Variants in COL24A1 observed in about 807,000 individuals in gnomAD.
The protein encoded by COL24A1 is collagen type XXIV alpha 1 chain.
A neutral mutation model predicts 253.9 loss-of-function variants in COL24A1; 224 were observed. That is an observed-to-expected ratio of 0.88 (90% CI 0.79 to 0.99). COL24A1 has a LOEUF of 0.99. COL24A1 is among the 50% of genes least tolerant of loss of function. The pLI, the probability that COL24A1 is intolerant of heterozygous loss-of-function variation, is 0.00. For synonymous variants in COL24A1, 685 were observed against 673.7 expected (o/e 1.02, Z -0.26); for missense variants, 2,131 against 2,068.5 (o/e 1.03, Z -0.59).
chr1:86,153,659 G>C (rs4656122), intron 1 of COL24A1, among the ~76,000 whole-genome samples: 128,509 of 152,206 alleles, frequency 0.84, 54,360 homozygotes, highest in East Asian at 0.94. Context: ...CCATAAATTA[G>C]ATTTACTCTC....
chr1:85,888,152 A>T (rs2102725567), intron 32 of COL24A1, among the ~76,000 whole-genome samples: 1 of 152,058 alleles, frequency 6.6e-6, no homozygotes. Context: ...TCTCCTTTTG[A>T]ATTAGTCTGT....
intron 47 of COL24A1, among the ~76,000 whole-genome samples, chr1:85,798,539 T>C (rs981491404): frequency 3.3e-5 from 5 of 152,172 alleles, no homozygotes; most frequent in Admixed American, 1.3e-4. Context: ...TGTATCTTCT[T>C]AGAAAGAAAA....
In COL24A1 at chr1:85,812,099, G is replaced by A. The variant is rs572754955; in HGVS notation, c.3951+4689C>T. Among the ~76,000 whole-genome samples the A allele has an allele frequency of 1.3e-4, 15 of 117,996 alleles. No homozygotes were observed. The South Asian group carries it at 2.2e-3, about 17-fold the overall frequency. 77.4% of individuals were successfully genotyped at this position (117,996 alleles called of 152,430 possible). A position where few individuals can be genotyped will look rare whatever the true frequency, so the allele number is the denominator to read the frequency against. ...TGAACCTGGAATGTCAAATGGCTAC[G>A]CTCTCGTTCTCTGTTTTGCCCATTA... is the stretch of plus-strand genomic sequence containing the variant. On this transcript the variant is annotated intron_variant, in intron 47 of 59. Coordinates refer to ENST00000370571, the MANE Select transcript of COL24A1 (RefSeq NM_152890.7).
At chr1:85,975,992 C>A (rs926380351) in intron 20 of COL24A1, among the ~76,000 whole-genome samples, 1 of 152,178 alleles carries the variant, frequency 6.6e-6, no homozygotes, top group South Asian at 2.1e-4. Flanking sequence ...GGGAAGCCAT[C>A]CTTGACTATA....
chr1:86,059,051 T>C, intron 9 of COL24A1, 70 bp downstream of exon 9: 2 of 966,926 alleles, frequency 2.1e-6, no homozygotes, highest in Non-Finnish European at 3.0e-6. Context: ...ACATTAATTC[T>C]CAAAATCAGA....
intron 20 of COL24A1, among the ~76,000 whole-genome samples, chr1:85,977,060 A>T (rs1184087768): frequency 1.3e-5 from 2 of 152,172 alleles, no homozygotes; most frequent in Admixed American, 1.3e-4. Flanking sequence ...TTTGCAGACA[A>T]TCTCCAGCAC....
intron 43 of COL24A1, among the ~76,000 whole-genome samples, chr1:85,826,769 T>G (rs1327303230): frequency 2.0e-5 from 3 of 151,914 alleles, no homozygotes; most frequent in Admixed American, 6.6e-5. Flanking sequence ...TTTTGCACAT[T>G]GATTTTGTAT....
intron 20 of COL24A1, among the ~76,000 whole-genome samples, chr1:85,973,145 G>A (rs1692337367): frequency 6.6e-6 from 1 of 152,182 alleles, no homozygotes; most frequent in Non-Finnish European, 1.5e-5. Flanking sequence ...GAATTAGAAT[G>A]TTGTGATATT....
At chr1:86,123,826 C>A (rs1283690736) in intron 3 of COL24A1, among the ~76,000 whole-genome samples, 1 of 151,750 alleles carries the variant, frequency 6.6e-6, no homozygotes, top group African/African-American at 2.4e-5. Context: ...TGACTCAATA[C>A]CTATCAAATC....
chr1:85,978,159 G>A (rs568193940), intron 20 of COL24A1, among the ~76,000 whole-genome samples: 13 of 152,150 alleles, frequency 8.5e-5, no homozygotes, highest in Admixed American at 1.3e-4. Context: ...AGGTAAAGTC[G>A]TTTTCAGACA....
intron 35 of COL24A1, among the ~76,000 whole-genome samples, chr1:85,872,586 G>A (rs1680651382): frequency 6.6e-6 from 1 of 152,068 alleles, no homozygotes. Flanking sequence ...AAGAAATAGG[G>A]AAAGGATTCC....
chr1:85,778,295 G>A (rs1209511871), intron 52 of COL24A1, among the ~76,000 whole-genome samples: 3 of 151,902 alleles, frequency 2.0e-5, no homozygotes, highest in Non-Finnish European at 2.9e-5. Flanking sequence ...GTAGAGATGG[G>A]ATCTCACTAT....
At chr1:85,948,710 CTCAT>C (rs1689591792) in intron 24 of COL24A1, among the ~76,000 whole-genome samples, 2 of 151,774 alleles carry the variant, frequency 1.3e-5, no homozygotes, top group South Asian at 4.2e-4. Flanking sequence ...TCCTCCCTAA[CTCAT>C]TCTATGAGGC....
intron 13 of COL24A1, among the ~76,000 whole-genome samples, chr1:86,033,422 T>C (rs1698745964): frequency 6.6e-6 from 1 of 152,112 alleles, no homozygotes; most frequent in Non-Finnish European, 1.5e-5. Flanking sequence ...AATTTTAGAA[T>C]AGTAACTCTT....
At chr1:85,828,942 A>G (rs1372129379) in intron 43 of COL24A1, among the ~76,000 whole-genome samples, 1 of 150,892 alleles carries the variant, frequency 6.6e-6, no homozygotes, top group East Asian at 1.9e-4. Flanking sequence ...TAATATTGTT[A>G]TGTGTGAATT....
At chr1:86,038,398 G>C (rs796805776) in intron 12 of COL24A1, among the ~76,000 whole-genome samples, 1 of 152,154 alleles carries the variant, frequency 6.6e-6, no homozygotes, top group African/African-American at 2.4e-5. Context: ...GCACAATCTT[G>C]AGCAGTTTCT....
intron 37 of COL24A1, among the ~76,000 whole-genome samples, chr1:85,858,674 TC>T (rs1678781355): frequency 2.0e-5 from 3 of 149,180 alleles, no homozygotes; most frequent in African/African-American, 7.5e-5. Context: ...CTTCCTTCCT[TC>T]CTTCCCTCCG....
Position 85,839,181 on chromosome 1 carries a change from AGAGT to A in COL24A1, c.3628-547_3628-544del, listed in dbSNP as rs1412204821. 2.6e-5 allele frequency among the ~76,000 whole-genome samples: 4 copies of A among 152,222 alleles called. No homozygotes were observed. The East Asian group carries it at 7.7e-4, about 29-fold the overall frequency. ...ACCACTGCTCTCCAGCCTGGGCAAC[AGAGT>A]GAGACCCTGTTTCAAACAACAACAG... On this transcript the variant is annotated intron_variant, in intron 42 of 59. Coordinates refer to ENST00000370571, the MANE Select transcript of COL24A1 (RefSeq NM_152890.7).
At position 85,825,973 on chromosome 1, in the gene COL24A1, G is replaced by T. The variant is rs1323199258; in HGVS notation, c.3682-2235C>A. ...TTTGGCTTTTGTTGCCATTGCTTTT[G>T]GTGTTTTAGACGTGAAGTCCTTGCC... On this transcript the variant is annotated intron_variant, in intron 43 of 59. Coordinates refer to ENST00000370571, the MANE Select transcript of COL24A1 (RefSeq NM_152890.7). Among the ~76,000 whole-genome samples, 6 of 86,210 alleles carry T rather than the reference G, an allele frequency of 7.0e-5. No homozygotes were observed. In the East Asian group the frequency reaches 1.3e-3, roughly 18 times the overall value. 56.6% of individuals were successfully genotyped at this position (86,210 alleles called of 152,430 possible).
Sources: gnomAD v4.1 joint callset for allele counts (sites outside exome capture counted in the v4.1 genomes callset) on GRCh38, gnomAD v4.1.1 for gene constraint, MANE v1.5 for transcripts, NCBI Gene and HGNC (gene_info 2026-07-23, HGNC 2026-07-21) for gene names.